BRD10: variants seen among roughly 807,000 people sequenced by gnomAD.
BRD10 encodes the protein uncharacterized bromodomain-containing protein 10.
chr9:5,970,173 C>A, the BRD10 span, among the ~76,000 whole-genome samples: 1 of 151,858 alleles, frequency 6.6e-6, no homozygotes, highest in Non-Finnish European at 1.5e-5. Context: ...TATGTACTTA[C>A]CAATGTTAAC....
At chr9:5,969,760 G>T in the BRD10 span, among the ~76,000 whole-genome samples, 1 of 152,088 alleles carries the variant, frequency 6.6e-6, no homozygotes, top group Non-Finnish European at 1.5e-5. Flanking sequence ...TGGCCAGGCT[G>T]GTCTCAAACT....
chr9:5,974,262 T>C, the BRD10 span, among the ~76,000 whole-genome samples: 45 of 152,310 alleles, frequency 3.0e-4, no homozygotes, highest in South Asian at 6.2e-4. Context: ...ACTGTCAAAC[T>C]AGAACTGCAT....
At chr9:5,996,836 A>T in the BRD10 span, among the ~76,000 whole-genome samples, 2 of 152,178 alleles carry the variant, frequency 1.3e-5, no homozygotes, top group African/African-American at 4.8e-5. Context: ...TGCTACAGCT[A>T]TTCCTACTTC....
At chr9:5,939,821 A>T in the BRD10 span, among the ~76,000 whole-genome samples, 1 of 152,244 alleles carries the variant, frequency 6.6e-6, no homozygotes, top group Non-Finnish European at 1.5e-5. Flanking sequence ...TAGGATGTTC[A>T]GCAGCAACAT....
chr9:5,984,687 T>C, the BRD10 span, among the ~76,000 whole-genome samples: 1 of 152,094 alleles, frequency 6.6e-6, no homozygotes, highest in Non-Finnish European at 1.5e-5. Context: ...TCTAGATATA[T>C]TAGCAATAAA....
the BRD10 span, among the ~76,000 whole-genome samples, chr9:5,895,944 G>C: frequency 1.3e-5 from 2 of 152,238 alleles, no homozygotes; most frequent in Non-Finnish European, 2.9e-5. Context: ...GGACGCCACA[G>C]GGTAAAATGA....
chr9:6,007,152 T>C, the BRD10 span: 11 of 1,573,124 alleles, frequency 7.0e-6, no homozygotes, highest in African/African-American at 8.1e-5. Flanking sequence ...GAGTGTGTGT[T>C]TGTGTCAGTC....
chr9:5,921,394 T>G, the BRD10 span: 2 of 1,613,868 alleles, frequency 1.2e-6, no homozygotes, highest in Non-Finnish European at 1.7e-6. Context: ...CTTTATGCAA[T>G]GGAGGAGGAA....
chr9:5,988,642 TAAAA>T, the BRD10 span: 2 of 814,710 alleles, frequency 2.5e-6, no homozygotes, highest in Non-Finnish European at 3.9e-6. Context: ...GCTAAATACA[TAAAA>T]GTATTTAAAC....
At chr9:5,919,302 A>C in the BRD10 span, 1 of 160,384 alleles carries the variant, frequency 6.2e-6, no homozygotes, top group Admixed American at 6.0e-5. Context: ...ACTGAATACC[A>C]TATCATAGAT....
chr9:5,887,366 G>T, the BRD10 span, among the ~76,000 whole-genome samples: 2 of 152,152 alleles, frequency 1.3e-5, no homozygotes, highest in Non-Finnish European at 2.9e-5. Context: ...TCTGGGGGAG[G>T]GGATGATGCC....
chr9:5,921,326 G>A, the BRD10 span: 5 of 1,613,836 alleles, frequency 3.1e-6, no homozygotes, highest in Non-Finnish European at 4.2e-6. Context: ...TTTTATTGGT[G>A]TGCCCACTGT....
the BRD10 span, among the ~76,000 whole-genome samples, chr9:5,999,316 T>C: frequency 6.6e-6 from 1 of 152,234 alleles, no homozygotes; most frequent in African/African-American, 2.4e-5. Context: ...TTCTCTTATA[T>C]CTAGCATTGC....
the BRD10 span, among the ~76,000 whole-genome samples, chr9:5,890,569 G>A: frequency 6.6e-6 from 1 of 152,110 alleles, no homozygotes. Flanking sequence ...TTAGGTTGGT[G>A]CAAAAGTAAT....
the BRD10 span, among the ~76,000 whole-genome samples, chr9:5,882,879 A>T: frequency 1.3e-5 from 2 of 152,194 alleles, no homozygotes. Flanking sequence ...TGAAGCTGGA[A>T]ACCATCATTC....
chr9:5,882,690 A>T, the BRD10 span, among the ~76,000 whole-genome samples: 2 of 152,306 alleles, frequency 1.3e-5, no homozygotes, highest in Admixed American at 6.5e-5. Flanking sequence ...TTTTCCTTTA[A>T]AAACCCTTGT....
the BRD10 span, among the ~76,000 whole-genome samples, chr9:5,955,049 T>C: frequency 3.9e-5 from 6 of 152,048 alleles, no homozygotes; most frequent in African/African-American, 1.2e-4. Flanking sequence ...GATCGCACCA[T>C]TGTTCTCCAG....
At chr9:6,001,064 C>T in the BRD10 span, among the ~76,000 whole-genome samples, 1 of 152,180 alleles carries the variant, frequency 6.6e-6, no homozygotes, top group Non-Finnish European at 1.5e-5. Context: ...GCATCACCAC[C>T]AGCTGGGCTC....
the BRD10 span, chr9:5,968,410 T>C: frequency 1.2e-6 from 2 of 1,612,612 alleles, no homozygotes; most frequent in Non-Finnish European, 1.7e-6. Flanking sequence ...TTATTTCACC[T>C]GGACTAAGAG....
Sources: gnomAD v4.1 joint callset for allele counts (sites outside exome capture counted in the v4.1 genomes callset) on GRCh38, gnomAD v4.1.1 for gene constraint, MANE v1.5 for transcripts, NCBI Gene and HGNC (gene_info 2026-07-23, HGNC 2026-07-21) for gene names.